NVL: variants seen among roughly 807,000 people sequenced by gnomAD.
The protein encoded by NVL is nuclear valosin-containing protein-like.
A neutral mutation model predicts 110.2 loss-of-function variants in NVL; 84 were observed. That is an observed-to-expected ratio of 0.76 (90% confidence interval 0.64 to 0.91). NVL has a LOEUF of 0.91. Among genes scored for constraint, NVL ranks in the 40% least tolerant of loss-of-function variants. The pLI is 0.00. For missense variants in NVL, 882 were observed against 1,035.9 expected (o/e 0.85, Z 2.04); for synonymous variants, 354 against 361.1 (o/e 0.98, Z 0.22).
intron 14 of NVL, among the ~76,000 whole-genome samples, chr1:224,286,448 CA>C (rs1673005715): frequency 6.6e-6 from 1 of 152,062 alleles, no homozygotes; most frequent in Admixed American, 6.6e-5. Flanking sequence ...TCAGGTGATC[CA>C]CCTGCCTCAG....
At chr1:224,242,901 C>G (rs1438475556) in intron 19 of NVL, among the ~76,000 whole-genome samples, 1 of 148,548 alleles carries the variant, frequency 6.7e-6, no homozygotes, top group Non-Finnish European at 1.5e-5. Flanking sequence ...TCTTGGCTCA[C>G]TGCAACCTCT....
chr1:224,230,127 C>T (rs1359688223), intron 22 of NVL, among the ~76,000 whole-genome samples: 1 of 152,180 alleles, frequency 6.6e-6, no homozygotes, highest in Non-Finnish European at 1.5e-5. Flanking sequence ...CCCCTGTGCC[C>T]AGCTCCAGAG....
intron 19 of NVL, among the ~76,000 whole-genome samples, chr1:224,248,039 A>T (rs1320647241): frequency 2.6e-5 from 4 of 152,170 alleles, no homozygotes; most frequent in Admixed American, 2.0e-4. Context: ...ACTATAGCCC[A>T]GCCAGAGGAC....
intron 18 of NVL, among the ~76,000 whole-genome samples, chr1:224,254,392 T>C (rs1177416736): frequency 2.1e-4 from 1 of 4,872 alleles, no homozygotes; most frequent in Non-Finnish European, 1.6e-3. Context: ...TGCCTGGCAT[T>C]TTTTTTTTTT....
chr1:224,258,009 CATTG>C, intron 18 of NVL, among the ~76,000 whole-genome samples: 1 of 152,206 alleles, frequency 6.6e-6, no homozygotes, highest in East Asian at 1.9e-4. Flanking sequence ...ATTTTTACAC[CATTG>C]ATAACACCAT....
chr1:224,301,044 T>C (rs1393666973), intron 9 of NVL, among the ~76,000 whole-genome samples: 2 of 151,242 alleles, frequency 1.3e-5, no homozygotes, highest in African/African-American at 4.9e-5. Context: ...AGGCGGAGGT[T>C]GTAGTGAGCC....
At chr1:224,293,957 A>G (rs1667621864) in intron 12 of NVL, among the ~76,000 whole-genome samples, 1 of 152,158 alleles carries the variant, frequency 6.6e-6, no homozygotes, top group African/African-American at 2.4e-5. Flanking sequence ...CTAGGACTAC[A>G]GGTGTGTGCA....
chr1:224,261,189 A>G (rs1034187884), intron 18 of NVL, among the ~76,000 whole-genome samples: 1 of 151,736 alleles, frequency 6.6e-6, no homozygotes, highest in African/African-American at 2.4e-5. Flanking sequence ...TTTATTTTGT[A>G]GAGATGGGGT....
At chr1:224,311,102 G>A (rs1483497593) in intron 5 of NVL, among the ~76,000 whole-genome samples, 1 of 152,000 alleles carries the variant, frequency 6.6e-6, no homozygotes, top group Non-Finnish European at 1.5e-5. Context: ...TTGTTGCTCA[G>A]GCTGGAGTGC....
At chr1:224,231,394 C>A in intron 21 of NVL, 98 bp from the exon 22 acceptor site, 2 of 872,258 alleles carry the variant, frequency 2.3e-6, no homozygotes, top group South Asian at 1.4e-5. Flanking sequence ...TTCAAGGGGT[C>A]CACTAAAGAG....
intron 19 of NVL, among the ~76,000 whole-genome samples, chr1:224,240,676 T>G (rs12745270): frequency 2.6e-5 from 4 of 152,170 alleles, no homozygotes; most frequent in African/African-American, 9.7e-5. Flanking sequence ...GAATTCACTG[T>G]TATATGTTTA....
chr1:224,246,163 T>G (rs1362729441), intron 19 of NVL, among the ~76,000 whole-genome samples: 4 of 152,126 alleles, frequency 2.6e-5, no homozygotes, highest in African/African-American at 9.7e-5. Flanking sequence ...CCTGAGTAGC[T>G]GGGATTACAG....
intron 18 of NVL, among the ~76,000 whole-genome samples, chr1:224,266,696 G>A (rs1014799130): frequency 2.0e-5 from 3 of 152,204 alleles, no homozygotes; most frequent in Admixed American, 6.5e-5. Context: ...TGAAAGGGAC[G>A]ATGTGATTCT....
At chr1:224,294,191 T>C (rs1667648538) in intron 12 of NVL, 76 bp downstream of exon 12, 1 of 1,465,418 alleles carries the variant, frequency 6.8e-7, no homozygotes, top group African/African-American at 1.4e-5. Flanking sequence ...CTACTTGGTA[T>C]TTCTCACCTC....
chr1:224,288,664 C>T, intron 13 of NVL, among the ~76,000 whole-genome samples: 1 of 151,828 alleles, frequency 6.6e-6, no homozygotes, highest in Non-Finnish European at 1.5e-5. Flanking sequence ...GGATTGAAGC[C>T]CCTGCTCTAT....
chr1:224,289,790 T>C (rs1052418879), intron 12 of NVL, 57 bp from the exon 13 acceptor site: 1 of 1,521,560 alleles, frequency 6.6e-7, no homozygotes, highest in Non-Finnish European at 8.9e-7. Flanking sequence ...TAAAAACAAG[T>C]CACCAACTAT....
intron 18 of NVL, among the ~76,000 whole-genome samples, chr1:224,266,589 C>G (rs1664525593): frequency 6.6e-6 from 1 of 152,162 alleles, no homozygotes. Context: ...CTTTTTAACA[C>G]AAATTACCCA....
At chr1:224,279,125 G>T (rs952319918) in intron 16 of NVL, among the ~76,000 whole-genome samples, 5 of 151,884 alleles carry the variant, frequency 3.3e-5, no homozygotes, top group African/African-American at 1.2e-4. Context: ...TATATGCAAA[G>T]ATATACATAT....
chr1:224,243,463 C>CAAA (rs1661439830), intron 19 of NVL, among the ~76,000 whole-genome samples: 1 of 151,612 alleles, frequency 6.6e-6, no homozygotes, highest in Non-Finnish European at 1.5e-5. Context: ...CTTGTCTCAA[C>CAAA]AACAACAACA....
Sources: gnomAD v4.1 joint callset for allele counts (sites outside exome capture counted in the v4.1 genomes callset) on GRCh38, gnomAD v4.1.1 for gene constraint, MANE v1.5 for transcripts, NCBI Gene and HGNC (gene_info 2026-07-23, HGNC 2026-07-21) for gene names.